The following XDH variants were observed in gnomAD, a reference collection of about 807,000 sequenced individuals.
XDH encodes xanthine dehydrogenase.
A neutral mutation model predicts 156.1 loss-of-function variants in XDH; 138 were observed. That is an observed-to-expected ratio of 0.88 (90% CI 0.77 to 1.02). The LOEUF (loss-of-function observed/expected upper bound fraction) is 1.02, where lower values mean the gene tolerates loss of function less well. Among genes scored for constraint, XDH ranks in the 50% least tolerant of loss-of-function variants. The pLI is 0.00. For missense variants in XDH, 1,849 were observed against 1,684.9 expected, an observed-to-expected ratio of 1.10 and a Z score of -1.71; for synonymous variants, 669 against 625.7, an observed-to-expected ratio of 1.07 and a Z score of -1.03.
chr2:31,360,343 CA>C (rs1230868717), intron 24 of XDH, among the ~76,000 whole-genome samples: 1 of 152,032 alleles, frequency 6.6e-6, no homozygotes, highest in African/African-American at 2.4e-5. Context: ...ACTAAAAATG[CA>C]AAAATTAGCT....
At chr2:31,340,801 A>G (rs1476685903) in intron 33 of XDH, among the ~76,000 whole-genome samples, 4 of 152,090 alleles carry the variant, frequency 2.6e-5, no homozygotes, top group Non-Finnish European at 5.9e-5. Context: ...GTAATCCCAT[A>G]TTCTCCTAAA....
In XDH at chr2:31,414,643, GA is replaced by G; in HGVS notation, c.23del (p.Phe8SerfsTer3). The G allele has an allele frequency of 6.2e-7, 1 of 1,614,060 alleles. No individual in the cohort carries two copies. Among genetic ancestry groups the G allele is most frequent in the Non-Finnish European group, 8.5e-7 (1 of 1,179,986 alleles). ...TACTTACCTTTCTGCCATTCACAAA[GA>G]AAACCAATTTGTCTGCTGTCATTGT... MTADKLV[F>X]FVNGRKVVEK... On this transcript the variant is annotated frameshift_variant, in exon 1 of 36. Transcript: ENST00000379416. LOFTEE classifies it high-confidence loss of function.
chr2:31,362,741 C>A (rs551378475), intron 24 of XDH, among the ~76,000 whole-genome samples: 1 of 152,140 alleles, frequency 6.6e-6, no homozygotes, highest in Non-Finnish European at 1.5e-5. Context: ...CAGTGCCTGC[C>A]GGGCCGCCTC....
intron 6 of XDH, among the ~76,000 whole-genome samples, chr2:31,393,526 T>C (rs1337147328): frequency 6.6e-6 from 1 of 152,228 alleles, no homozygotes; most frequent in Non-Finnish European, 1.5e-5. Context: ...GTAGGTTTCT[T>C]GTAGACAACA....
At chr2:31,368,513 T>C in intron 19 of XDH, 28 bp downstream of exon 19, 1 of 1,613,868 alleles carries the variant, frequency 6.2e-7, no homozygotes, top group African/African-American at 1.3e-5. Flanking sequence ...AGCTCACTCC[T>C]CTACACAGGC....
Position 31,348,305 on chromosome 2 carries a change from G to A in XDH, c.3110C>T (p.Thr1037Ile), listed in dbSNP as rs758128305. 6 of 1,614,198 alleles carry A rather than the reference G, an allele frequency of 3.7e-6. No homozygotes were observed. The East Asian group carries it at 8.9e-5, about 24-fold the overall frequency. ...DGSVLLTHGG[T>I]EMGQGLHTKM... ...GGTATGAAGGCCTTGGCCCATCTCA[G>A]TCCCCCCGTGGGTCAGCAGCACAGA... The change falls in exon 28 of 36, where the codon ACT becomes ATT. Residue 1037 changes from threonine to isoleucine, a missense_variant. Coordinates refer to ENST00000379416, the MANE Select transcript of XDH (RefSeq NM_000379.4).
At chr2:31,337,919 G>C (rs1685011596) in intron 34 of XDH, 102 bp from the exon 35 acceptor site, 1 of 1,325,660 alleles carries the variant, frequency 7.5e-7, no homozygotes, top group Non-Finnish European at 1.0e-6. Context: ...TGCACGAGGA[G>C]GGCTGGTGGC....
chr2:31,399,722 G>A (rs777774188), intron 4 of XDH, among the ~76,000 whole-genome samples: 10 of 152,114 alleles, frequency 6.6e-5, no homozygotes, highest in African/African-American at 1.9e-4. Context: ...TAAATCTGAC[G>A]AAATCTGAAG....
chr2:31,342,111 G>A, intron 32 of XDH, 72 bp downstream of exon 32: 1 of 1,354,000 alleles, frequency 7.4e-7, no homozygotes, highest in South Asian at 1.2e-5. Flanking sequence ...GTCTCTATCA[G>A]CTCTAGGTAT....
intron 20 of XDH, 46 bp downstream of exon 20, chr2:31,367,915 C>T (rs200841075): frequency 4.1e-5 from 66 of 1,592,604 alleles, no homozygotes; most frequent in East Asian, 3.6e-4. Flanking sequence ...ATTTAATTTG[C>T]AAACCAGGGC....
intron 12 of XDH, among the ~76,000 whole-genome samples, chr2:31,381,374 T>C (rs2148780206): frequency 6.6e-6 from 1 of 152,316 alleles, no homozygotes; most frequent in Non-Finnish European, 1.5e-5. Flanking sequence ...CAGGCTGTGG[T>C]GAGCCAGTGC....
rs528029723 is a variant in XDH, at chr2:31,347,686, G to T, written c.3148-36C>A. The T allele has an allele frequency of 4.4e-6, 7 of 1,603,090 alleles. No individual in the cohort carries two copies. In the South Asian group the frequency reaches 7.8e-5, roughly 18 times the overall value. ...AGAAGACATTGCCCTCTAGGGAAGG[G>T]GTTATCATGGGGCTTGGCTGCCTTC... On this transcript the variant is annotated intron_variant, in intron 28 of 35. Coordinates refer to ENST00000379416, the MANE Select transcript of XDH (RefSeq NM_000379.4).
intron 32 of XDH, 71 bp from the exon 33 acceptor site, chr2:31,341,465 A>G (rs1225677568): frequency 2.0e-6 from 3 of 1,472,248 alleles, no homozygotes; most frequent in Non-Finnish European, 2.8e-6. Flanking sequence ...GATGACTCAT[A>G]GTGACCCTCA....
chr2:31,403,396 A>T (rs540598288), intron 2 of XDH, among the ~76,000 whole-genome samples: 14 of 152,280 alleles, frequency 9.2e-5, no homozygotes, highest in African/African-American at 3.1e-4. Context: ...ACAGCACCCA[A>T]GTAGCATCTC....
chr2:31,347,452 C>G, intron 29 of XDH, 70 bp downstream of exon 29: 1 of 1,608,546 alleles, frequency 6.2e-7, no homozygotes, highest in Non-Finnish European at 8.5e-7. Flanking sequence ...TAGCTCCCAC[C>G]CAGGGAGACT....
rs1223103411 is a variant in XDH, at chr2:31,386,331, A to AGGG, written c.793+80_793+82dup. ...ATAGGGTGCAGAGGCAAGTAAAGTC[A>AGGG]GGGGGAGGTGAGGATGGGCAAGAGG... On this transcript the variant is annotated intron_variant, in intron 9 of 35. Coordinates refer to ENST00000379416, the MANE Select transcript of XDH (RefSeq NM_000379.4). 4 of 1,579,234 alleles carry AGGG rather than the reference A, an allele frequency of 2.5e-6. No homozygotes were observed. The Admixed American group carries it at 6.7e-5, about 26-fold the overall frequency.
intron 14 of XDH, among the ~76,000 whole-genome samples, chr2:31,376,505 T>G (rs923766429): frequency 1.3e-5 from 2 of 149,386 alleles, no homozygotes; most frequent in African/African-American, 4.9e-5. Context: ...AGCAGTAATG[T>G]TATTAGTAAA....
chr2:31,414,601 A>C lies in XDH; in HGVS notation c.42+24T>G, dbSNP rs199615551. The stretch of plus-strand genomic sequence containing the variant: ...CCCCTCCCAGGGAGAAGGGACACAA[A>C]ACCAAAGGTCAGCTCCTACTTACCT... On this transcript the variant is annotated intron_variant, in intron 1 of 35. Transcript: ENST00000379416. 1.7e-3 allele frequency: 2,759 copies of C among 1,614,042 alleles called. 7 individuals are homozygous for C. Among genetic ancestry groups the C allele is most frequent in the Middle Eastern group, 5.1e-3 (31 of 6,060 alleles).
Position 31,349,769 on chromosome 2 carries a change from A to G in XDH, c.2886T>C (p.Gly962=). 1 of 1,614,104 alleles carries G rather than the reference A, an allele frequency of 6.2e-7. No homozygotes were observed. The highest frequency in any genetic ancestry group is 8.5e-7 in the Non-Finnish European group (1 of 1,180,016). The change falls in exon 26 of 36, where the codon GGT becomes GGC. Residue 962 remains glycine, a synonymous_variant. Coordinates refer to ENST00000379416, the MANE Select transcript of XDH (RefSeq NM_000379.4). ...CTTCCCAGCATCTGGGCAAGGTGAA[A>G]CCCTCAAGCTTCTGGTTGAAGTGTG... ...DLTHFNQKLE[G]FTLPRCWEEC... is the part of the protein sequence containing the mutation.
Sources: gnomAD v4.1 joint callset for allele counts (sites outside exome capture counted in the v4.1 genomes callset) on GRCh38, gnomAD v4.1.1 for gene constraint, MANE v1.5 for transcripts, NCBI Gene and HGNC (gene_info 2026-07-23, HGNC 2026-07-21) for gene names.